MYO19: variants seen among roughly 807,000 people sequenced by gnomAD.
MYO19 encodes unconventional myosin-XIX.
MYO19 carries 132 observed loss-of-function variants against 129.2 expected under a neutral mutation model. That is an observed-to-expected ratio of 1.02 (90% CI 0.89 to 1.18). The LOEUF is 1.18. MYO19 is among the 50% of genes most tolerant of loss of function. The probability of loss-of-function intolerance (pLI) is 0.00; values close to 1 mark genes in which losing one functional copy is unlikely to be tolerated. For synonymous variants in MYO19, 531 were observed against 477.2 expected, an observed-to-expected ratio of 1.11 and a Z score of -1.47; for missense variants, 1,210 against 1,216.7, an observed-to-expected ratio of 0.99 and a Z score of 0.08.
At position 36,506,444 on chromosome 17, in the gene MYO19, CAT is replaced by C; in HGVS notation, c.1797+10_1797+11del. On this transcript the variant is annotated intron_variant, in intron 18 of 25. Transcript: ENST00000614623. Reference sequence around the variant, plus strand: ...TTGAACCAAGCACCTCCCATCAGCACATCAGACCCACCTTGAACTTGGACACC... The same window carrying C: ...TTGAACCAAGCACCTCCCATCAGCACCAGACCCACCTTGAACTTGGACACC... 1 of 1,613,902 alleles carries C rather than the reference CAT, an allele frequency of 6.2e-7. No homozygotes were observed. The highest frequency in any genetic ancestry group is 8.5e-7 in the Non-Finnish European group (1 of 1,179,852).
At chr17:36,502,474 C>T (rs769993996) in intron 21 of MYO19, among the ~76,000 whole-genome samples, 1 of 152,114 alleles carries the variant, frequency 6.6e-6, no homozygotes, top group East Asian at 1.9e-4. Context: ...CAGTTTCTTC[C>T]AACAAATATT....
At chr17:36,533,218 G>A (rs537524674) in intron 2 of MYO19, 8 of 152,838 alleles carry the variant, frequency 5.2e-5, no homozygotes, top group African/African-American at 1.9e-4. Flanking sequence ...GGTCAATGAG[G>A]TCATGGTTTG....
intron 3 of MYO19, among the ~76,000 whole-genome samples, chr17:36,529,291 T>C (rs1002780290): frequency 6.6e-6 from 1 of 152,086 alleles, no homozygotes; most frequent in Non-Finnish European, 1.5e-5. Flanking sequence ...TCCTGAGTAA[T>C]TGGGACTAGA....
chr17:36,505,245 C>G (rs2071800027), intron 19 of MYO19, 52 bp downstream of exon 19: 5 of 1,489,924 alleles, frequency 3.4e-6, no homozygotes, highest in Middle Eastern at 1.7e-4. Context: ...CTCTCCAGGG[C>G]CTTGGCCAGA....
rs1222349116 is a variant in MYO19 at position 36,496,113 on chromosome 17, G to A, written c.*138C>T. On this transcript the variant is annotated 3_prime_UTR_variant, in exon 26 of 26. Coordinates refer to ENST00000614623, the MANE Select transcript of MYO19 (RefSeq NM_001163735.2). ...TGACGCACTGGGCACGGGGCTCTGG[G>A]TCGAAGGCTGGAGCCGTCACTGTTG... 4.1e-6 allele frequency: 5 copies of A among 1,223,920 alleles called. No individual in the cohort carries two copies. The African/African-American group carries it at 7.5e-5, about 18-fold the overall frequency. 75.8% of individuals were successfully genotyped at this position (1,223,920 alleles called of 1,614,324 possible).
upstream of MYO19, among the ~76,000 whole-genome samples, chr17:36,544,555 G>T (rs1206051651): frequency 6.6e-6 from 1 of 152,208 alleles, no homozygotes; most frequent in Non-Finnish European, 1.5e-5. Context: ...AGACGGGCTT[G>T]ACTCGCTGAA....
At chr17:36,520,911 G>GT (rs771421500) in intron 6 of MYO19, among the ~76,000 whole-genome samples, 9 of 152,170 alleles carry the variant, frequency 5.9e-5, no homozygotes, top group Non-Finnish European at 1.2e-4. Context: ...TTCAATGGCA[G>GT]ACCATTTGAT....
intron 5 of MYO19, among the ~76,000 whole-genome samples, chr17:36,526,396 G>A (rs1225185057): frequency 6.6e-6 from 1 of 152,018 alleles, no homozygotes; most frequent in South Asian, 2.1e-4. Flanking sequence ...CTGCCAGCAA[G>A]TTTTCTCTCA....
chr17:36,495,902 C>CTGTT lies in MYO19; in HGVS notation c.*345_*348dup. On this transcript the variant is annotated 3_prime_UTR_variant, in exon 26 of 26. Transcript: ENST00000614623. ...AGCGCCAATTTTAGGCCAACTTTGG[C>CTGTT]TGTTTTCTTCCAAAAGTGCTTATGT... The CTGTT allele has an allele frequency of 8.3e-7, 1 of 1,206,202 alleles. No individual in the cohort carries two copies. The highest frequency in any genetic ancestry group is 1.0e-6 in the Non-Finnish European group (1 of 963,086). 74.7% of individuals were successfully genotyped at this position (1,206,202 alleles called of 1,614,324 possible).
rs1257405307 is a variant in MYO19, at chr17:36,509,130, A to C, written c.1163T>G (p.Phe388Cys). Reference sequence around the variant, plus strand: ...GTTGATCACTGATACCAGCCAGTCAAACAACCTGTTGGGGGAAGAGAGTGG... The same window carrying C: ...GTTGATCACTGATACCAGCCAGTCACACAACCTGTTGGGGGAAGAGAGTGG... The part of the protein sequence containing the change: ...CLAKLIYARL[F>C]DWLVSVINSS... Residue 388 changes from phenylalanine to cysteine, a missense_variant, in exon 14 of 26, where the codon TTT (phenylalanine) becomes TGT (cysteine). By Grantham distance (205) the Phe-to-Cys change is radical. Coordinates refer to ENST00000614623, the MANE Select transcript of MYO19 (RefSeq NM_001163735.2). 6.2e-7 allele frequency: 1 copy of C among 1,613,796 alleles called. No homozygotes were observed. The highest frequency in any genetic ancestry group is 1.7e-5 in the Admixed American group (1 of 60,000).
Position 36,503,020 on chromosome 17 carries a change from AGCCCTAAGACAGG to A in MYO19, c.2080+64_2080+76del, listed in dbSNP as rs1489326670. The A allele has an allele frequency of 7.2e-6, 9 of 1,242,874 alleles. No individual in the cohort carries two copies. The Admixed American group carries it at 8.7e-5, about 12-fold the overall frequency. 77.0% of individuals were successfully genotyped at this position (1,242,874 alleles called of 1,614,324 possible). On this transcript the variant is annotated intron_variant, in intron 21 of 25. Coordinates refer to ENST00000614623, the MANE Select transcript of MYO19 (RefSeq NM_001163735.2). Reference sequence around the variant, plus strand: ...TATTCACCAGTAAGCCCCAGCCCCTAGCCCTAAGACAGGGCACAGGGTAGATGCTCAGTAAACT... The same window carrying A: ...TATTCACCAGTAAGCCCCAGCCCCTAGCACAGGGTAGATGCTCAGTAAACT...
chr17:36,518,956 T>C (rs938680424), intron 6 of MYO19, among the ~76,000 whole-genome samples: 11 of 152,174 alleles, frequency 7.2e-5, no homozygotes, highest in African/African-American at 1.9e-4. Flanking sequence ...TCAAGGAACA[T>C]AGTTTGTATC....
At position 36,497,725 on chromosome 17, in the gene MYO19, C is replaced by T. The variant is rs140610432; in HGVS notation, c.2757+541G>A. 0.064 allele frequency: 11,880 copies of T among 184,406 alleles called. 655 individuals are homozygous for T. Among genetic ancestry groups the T allele is most frequent in the African/African-American group, 0.16 (6,626 of 42,112 alleles). The allele number at this position is 184,406 out of a possible 1,614,324, so 11.4% of individuals were successfully genotyped here. On this transcript the variant is annotated intron_variant, in intron 25 of 25. Coordinates refer to ENST00000614623, the MANE Select transcript of MYO19 (RefSeq NM_001163735.2). ...TCAGCCTCCCGAGCAGCTGGGACTA[C>T]AGGCGCCTGCCACTACGCCCAACCA...
At chr17:36,508,109 C>G (rs899186878) in intron 14 of MYO19, 185 bp from the exon 15 acceptor site, 1 of 541,494 alleles carries the variant, frequency 1.8e-6, no homozygotes, top group African/African-American at 1.9e-5. Context: ...CCCAAGGTGG[C>G]TCCCATCTCT....
At chr17:36,521,433 A>G (rs572481160) in intron 6 of MYO19, among the ~76,000 whole-genome samples, 3 of 152,248 alleles carry the variant, frequency 2.0e-5, no homozygotes, top group Non-Finnish European at 4.4e-5. Context: ...TATCTCTCAG[A>G]AGATTAAAAA....
At position 36,495,758 on chromosome 17, in the gene MYO19, A is replaced by G. The variant is rs1183728445; in HGVS notation, c.*493T>C. ...AAATCAAAACGTGATTCTACTGTAC[A>G]TTGCATTATTCATAATTTAATTGTT... On this transcript the variant is annotated 3_prime_UTR_variant, in exon 26 of 26. Coordinates refer to ENST00000614623, the MANE Select transcript of MYO19 (RefSeq NM_001163735.2). 1 of 1,245,214 alleles carries G rather than the reference A, an allele frequency of 8.0e-7. No homozygotes were observed. Among genetic ancestry groups the G allele is most frequent in the Non-Finnish European group, 1.0e-6 (1 of 995,696 alleles). The allele number at this position is 1,245,214 out of a possible 1,614,324, so 77.1% of individuals were successfully genotyped here.
At chr17:36,536,878 A>C (rs189565385), upstream of MYO19, among the ~76,000 whole-genome samples, 61 of 152,186 alleles carry the variant, frequency 4.0e-4, no homozygotes, top group African/African-American at 1.3e-3. Flanking sequence ...GTAACCAATA[A>C]TTTAATATTA....
intron 3 of MYO19, among the ~76,000 whole-genome samples, chr17:36,530,237 A>G (rs1235265721): frequency 2.0e-5 from 3 of 152,136 alleles, no homozygotes; most frequent in Non-Finnish European, 4.4e-5. Context: ...GCTTCAGCCC[A>G]GGAGGTCGAG....
At chr17:36,497,492 G>C (rs912197407) in intron 25 of MYO19, 1 of 977,320 alleles carries the variant, frequency 1.0e-6, no homozygotes. Context: ...GGACTAATTA[G>C]ATTATTTGCT....
Sources: allele counts gnomAD v4.1 joint callset (sites outside exome capture counted in the v4.1 genomes callset), GRCh38; gene constraint gnomAD v4.1.1; transcripts MANE v1.5; gene names NCBI Gene and HGNC (gene_info 2026-07-23, HGNC 2026-07-21).